The following PXT1 variants were observed in gnomAD, a reference collection of about 807,000 sequenced individuals.
The protein encoded by PXT1 is peroxisomal testis-specific protein 1.
PXT1 carries 11 observed loss-of-function variants against 11.0 expected under a neutral mutation model. The observed-to-expected ratio is 1.00, with a 90% confidence interval of 0.63 to 1.66. The LOEUF (loss-of-function observed/expected upper bound fraction) is 1.66, where lower values mean the gene tolerates loss of function less well. Among genes scored for constraint, PXT1 ranks in the 40% most tolerant of loss-of-function variants. The pLI is 0.00. For missense variants in PXT1, 141 were observed against 155.5 expected, an observed-to-expected ratio of 0.91 and a Z score of 0.49; for synonymous variants, 43 against 51.4, an observed-to-expected ratio of 0.84 and a Z score of 0.70.
At chr6:36,410,411 T>C (rs183164523) in intron 3 of PXT1, among the ~76,000 whole-genome samples, 19 of 145,170 alleles carry the variant, frequency 1.3e-4, no homozygotes, top group Middle Eastern at 3.8e-3. Context: ...GATAGCGCCA[T>C]TGCTCGCCAG....
intron 1 of PXT1, among the ~76,000 whole-genome samples, chr6:36,439,202 T>A (rs1304115719): frequency 1.3e-5 from 2 of 151,700 alleles, no homozygotes; most frequent in Admixed American, 6.6e-5. Context: ...TTCACCATGT[T>A]GGACAGGCTG....
chr6:36,426,412 C>A (rs571682699), intron 2 of PXT1, among the ~76,000 whole-genome samples: 1 of 132,458 alleles, frequency 7.5e-6, no homozygotes, highest in East Asian at 2.4e-4. Flanking sequence ...CTCTTGTTGC[C>A]CAGGCTGGAG....
chr6:36,421,387 G>A (rs1333746032), intron 3 of PXT1, among the ~76,000 whole-genome samples: 1 of 152,146 alleles, frequency 6.6e-6, no homozygotes, highest in African/African-American at 2.4e-5. Flanking sequence ...CTTGAGCCCA[G>A]GAGTTCGAGG....
At chr6:36,407,957 CTT>C (rs61251776) in intron 3 of PXT1, among the ~76,000 whole-genome samples, 89 of 136,092 alleles carry the variant, frequency 6.5e-4, no homozygotes, top group Middle Eastern at 3.8e-3. Context: ...CTTTTTCTTT[CTT>C]TTTTTTTTTT....
chr6:36,440,084 C>G (rs1774832926), intron 1 of PXT1, among the ~76,000 whole-genome samples: 1 of 151,996 alleles, frequency 6.6e-6, no homozygotes, highest in South Asian at 2.1e-4. Context: ...AGTGACAGGG[C>G]AAGACTCTGT....
chr6:36,415,718 A>G (rs1180539368), intron 3 of PXT1, among the ~76,000 whole-genome samples: 5 of 152,194 alleles, frequency 3.3e-5, no homozygotes, highest in Non-Finnish European at 2.9e-5. Context: ...GCAGGTTTGC[A>G]GATTGAGGAG....
chr6:36,407,809 A>G (rs192950131), intron 3 of PXT1, among the ~76,000 whole-genome samples: 13 of 152,328 alleles, frequency 8.5e-5, no homozygotes, highest in African/African-American at 3.1e-4. Flanking sequence ...TTGCCTAAGC[A>G]ATCAGTTTCC....
intron 2 of PXT1, among the ~76,000 whole-genome samples, chr6:36,434,170 AAAAAAG>A (rs934230825): frequency 1.1e-4 from 17 of 152,190 alleles, no homozygotes; most frequent in African/African-American, 3.4e-4. Context: ...TGTCTCTAAA[AAAAAAG>A]AAAAAGAAAA....
At chr6:36,417,261 C>T (rs1166992658) in intron 3 of PXT1, among the ~76,000 whole-genome samples, 2 of 152,040 alleles carry the variant, frequency 1.3e-5, no homozygotes, top group Non-Finnish European at 2.9e-5. Context: ...GCAGGAAAAT[C>T]GCTTGAACCC....
At chr6:36,421,169 A>G (rs184192187) in intron 3 of PXT1, among the ~76,000 whole-genome samples, 20 of 152,238 alleles carry the variant, frequency 1.3e-4, no homozygotes, top group African/African-American at 3.9e-4. Flanking sequence ...CAACAACAAC[A>G]ACGACAAAAA....
intron 2 of PXT1, among the ~76,000 whole-genome samples, chr6:36,433,344 T>TATATAC (rs1159489869): frequency 6.6e-6 from 1 of 151,934 alleles, no homozygotes; most frequent in African/African-American, 2.4e-5. Flanking sequence ...CTGTAAAAAA[T>TATATAC]ATATACATTG....
At chr6:36,401,786 C>A (rs971020351) in intron 3 of PXT1, among the ~76,000 whole-genome samples, 3 of 150,952 alleles carry the variant, frequency 2.0e-5, no homozygotes, top group African/African-American at 7.3e-5. Context: ...TGCTAATAAC[C>A]AAATGTGGTT....
intron 1 of PXT1, among the ~76,000 whole-genome samples, 153 bp from the exon 2 acceptor site, chr6:36,439,039 C>T (rs1365866471): frequency 1.3e-5 from 2 of 151,356 alleles, no homozygotes; most frequent in African/African-American, 2.4e-5. Context: ...GTCTCGGTAT[C>T]GCCCAGGTTG....
intron 3 of PXT1, among the ~76,000 whole-genome samples, chr6:36,404,241 AG>A (rs1411942078): frequency 2.6e-5 from 4 of 152,228 alleles, no homozygotes; most frequent in Non-Finnish European, 5.9e-5. Flanking sequence ...CTACAGTATA[AG>A]AACACAGCCA....
chr6:36,418,586 T>C (rs1774483479), intron 3 of PXT1, among the ~76,000 whole-genome samples: 1 of 152,166 alleles, frequency 6.6e-6, no homozygotes. Context: ...ACAGCATCAG[T>C]ATACAAATCC....
chr6:36,433,559 C>T (rs1183075586), intron 2 of PXT1, among the ~76,000 whole-genome samples: 2 of 151,984 alleles, frequency 1.3e-5, no homozygotes, highest in African/African-American at 4.8e-5. Flanking sequence ...GTGGTTCACG[C>T]CTGTAATCCC....
At chr6:36,422,105 TATA>T (rs1406192571) in intron 3 of PXT1, among the ~76,000 whole-genome samples, 4 of 152,218 alleles carry the variant, frequency 2.6e-5, no homozygotes, top group Non-Finnish European at 4.4e-5. Context: ...ATATGTATTG[TATA>T]TTAAATGTAT....
At chr6:36,403,017 G>A (rs927716694) in intron 3 of PXT1, among the ~76,000 whole-genome samples, 8 of 149,338 alleles carry the variant, frequency 5.4e-5, no homozygotes, top group African/African-American at 1.5e-4. Context: ...GCACCACCAC[G>A]CCCAGCTGAT....
Position 36,408,049 on chromosome 6 carries a change from C to T in PXT1, c.170-7465G>A, listed in dbSNP as rs1280469624. ...CGATCTTGGCTCACCGCAACCTCCA[C>T]CTCCCGAGTTCAAGTGATTCTCCTG... On this transcript the variant is annotated intron_variant, in intron 3 of 4. Coordinates refer to ENST00000454782, the MANE Select transcript of PXT1 (RefSeq NM_152990.4). 7.9e-5 allele frequency among the ~76,000 whole-genome samples: 12 copies of T among 151,596 alleles called. 1 individual carries two copies. The highest frequency in any genetic ancestry group is 1.8e-4 in the Non-Finnish European group (12 of 67,924).
Sources: allele counts gnomAD v4.1 joint callset (sites outside exome capture counted in the v4.1 genomes callset), GRCh38; gene constraint gnomAD v4.1.1; transcripts MANE v1.5; gene names NCBI Gene and HGNC (gene_info 2026-07-23, HGNC 2026-07-21).